Variants in VPS54 observed in about 807,000 individuals in gnomAD.
VPS54 encodes the protein VPS54 subunit of GARP complex, also known as vacuolar protein sorting-associated protein 54.
Under a neutral mutation model 121.5 loss-of-function variants are expected in VPS54, and 45 were observed. The ratio of observed to expected loss-of-function variants is 0.37; its 90% CI spans 0.29 to 0.47. The LOEUF is 0.47. Among genes scored for constraint, VPS54 ranks in the 20% least tolerant of loss-of-function variants. The pLI is 0.99. For synonymous variants in VPS54, 371 were observed against 385.8 expected (o/e 0.96, Z 0.45); for missense variants, 1,090 against 1,131.4 (o/e 0.96, Z 0.52).
intron 11 of VPS54, among the ~76,000 whole-genome samples, chr2:63,935,507 T>C (rs1359092564): frequency 2.0e-5 from 3 of 152,170 alleles, no homozygotes; most frequent in African/African-American, 7.2e-5. Context: ...TTTTTCCTTA[T>C]CTCTTCTGTC....
intron 1 of VPS54, among the ~76,000 whole-genome samples, chr2:63,988,761 G>T (rs748943529): frequency 1.3e-5 from 2 of 151,986 alleles, no homozygotes; most frequent in Non-Finnish European, 1.5e-5. Context: ...CAGACTGTTC[G>T]TAAAGCATGT....
At chr2:63,972,748 C>T (rs1031464774) in intron 3 of VPS54, among the ~76,000 whole-genome samples, 14 of 151,842 alleles carry the variant, frequency 9.2e-5, no homozygotes. Flanking sequence ...AGTAGTGGCG[C>T]ACACCTGAAA....
chr2:63,935,208 T>C (rs1005270212), intron 11 of VPS54, among the ~76,000 whole-genome samples: 1 of 152,206 alleles, frequency 6.6e-6, no homozygotes, highest in African/African-American at 2.4e-5. Flanking sequence ...TTTAGTTGTA[T>C]GAGCTAATAA....
At chr2:64,009,654 C>G (rs189331384) in intron 1 of VPS54, among the ~76,000 whole-genome samples, 3 of 152,012 alleles carry the variant, frequency 2.0e-5, no homozygotes, top group Non-Finnish European at 2.9e-5. Context: ...TTTTTCTTAC[C>G]AAAGGAGTAA....
chr2:63,977,677 C>G (rs1676607696), intron 3 of VPS54, among the ~76,000 whole-genome samples: 1 of 152,218 alleles, frequency 6.6e-6, no homozygotes, highest in African/African-American at 2.4e-5. Flanking sequence ...TTTGATCATT[C>G]CAACATCACA....
chr2:63,939,176 A>T (rs1035322261), intron 11 of VPS54, among the ~76,000 whole-genome samples: 2 of 152,180 alleles, frequency 1.3e-5, no homozygotes, highest in Admixed American at 1.3e-4. Flanking sequence ...GATTGAGATC[A>T]TCCTGGCCAA....
At chr2:63,983,525 C>G (rs1676895827) in intron 2 of VPS54, among the ~76,000 whole-genome samples, 2 of 148,744 alleles carry the variant, frequency 1.3e-5, no homozygotes, top group Admixed American at 1.4e-4. Flanking sequence ...TCACTGCATG[C>G]TCCACCTCCT....
At chr2:63,947,042 A>T (rs1378640436) in intron 9 of VPS54, among the ~76,000 whole-genome samples, 1 of 151,916 alleles carries the variant, frequency 6.6e-6, no homozygotes. Context: ...AGTAGATTTA[A>T]CATAATGTTA....
intron 20 of VPS54, among the ~76,000 whole-genome samples, chr2:63,901,078 C>T (rs1241188484): frequency 2.0e-5 from 3 of 152,088 alleles, no homozygotes; most frequent in Non-Finnish European, 2.9e-5. Context: ...GTTTTATACA[C>T]TATCTGATTA....
intron 15 of VPS54, among the ~76,000 whole-genome samples, chr2:63,919,459 C>T (rs745669035): frequency 1.3e-5 from 2 of 152,104 alleles, no homozygotes; most frequent in African/African-American, 4.8e-5. Flanking sequence ...CTAGCGCTTA[C>T]TCAATTCATG....
chr2:63,902,588 A>G (rs1328931590), intron 20 of VPS54, among the ~76,000 whole-genome samples: 1 of 152,212 alleles, frequency 6.6e-6, no homozygotes, highest in East Asian at 1.9e-4. Context: ...AAAAGAAAAC[A>G]ATATCCCACT....
intron 11 of VPS54, among the ~76,000 whole-genome samples, chr2:63,939,812 G>C (rs890297214): frequency 1.3e-5 from 2 of 151,484 alleles, no homozygotes; most frequent in Non-Finnish European, 2.9e-5. Context: ...CCAGGCTGGA[G>C]TACAGTAGCA....
Position 63,944,518 on chromosome 2 carries a change from G to A in VPS54, c.1301+82C>T, listed in dbSNP as rs150642139. 231 of 1,367,612 alleles carry A rather than the reference G, an allele frequency of 1.7e-4. No individual in the cohort carries two copies. The African/African-American group carries it at 2.6e-3, about 15-fold the overall frequency. 84.7% of individuals were successfully genotyped at this position (1,367,612 alleles called of 1,614,324 possible). Reference sequence around the variant, plus strand: ...ACACCTTAGTAAATAATTCCTTAACGAAATCTACTTCGAATTATTCTAATT... The same window carrying A: ...ACACCTTAGTAAATAATTCCTTAACAAAATCTACTTCGAATTATTCTAATT... On this transcript the variant is annotated intron_variant, in intron 10 of 22. Transcript: ENST00000272322.
intron 1 of VPS54, among the ~76,000 whole-genome samples, chr2:64,003,633 C>T (rs994712897): frequency 3.4e-5 from 5 of 149,222 alleles, no homozygotes; most frequent in African/African-American, 9.7e-5. Flanking sequence ...ACAGACAAAA[C>T]AGACAGACAG....
chr2:64,013,274 A>G (rs1316074165), intron 1 of VPS54, among the ~76,000 whole-genome samples: 1 of 152,204 alleles, frequency 6.6e-6, no homozygotes, highest in East Asian at 1.9e-4. Flanking sequence ...TCTGACTAGA[A>G]TCTAATCATG....
At chr2:64,000,404 G>C (rs748388460) in intron 1 of VPS54, among the ~76,000 whole-genome samples, 1 of 152,148 alleles carries the variant, frequency 6.6e-6, no homozygotes, top group African/African-American at 2.4e-5. Flanking sequence ...GCCTTATTTA[G>C]TTCATCTGGA....
At chr2:63,919,517 T>C (rs1026520998) in intron 15 of VPS54, among the ~76,000 whole-genome samples, 2 of 152,070 alleles carry the variant, frequency 1.3e-5, no homozygotes, top group East Asian at 3.8e-4. Context: ...TATGAAATTA[T>C]ATAAAGCTGG....
At position 63,985,788 on chromosome 2, in the gene VPS54, G is replaced by C. The variant is rs766897871; in HGVS notation, c.-20-1769C>G. Among the ~76,000 whole-genome samples the C allele has an allele frequency of 3.9e-5, 6 of 152,214 alleles. 1 individual carries two copies. Among genetic ancestry groups the C allele is most frequent in the African/African-American group, 1.4e-4 (6 of 41,518 alleles). ...TCAGAGGTTTGGTGGCAAAAGTTCT[G>C]TGATGAAAATGCTATTTTGGGAAAA... On this transcript the variant is annotated intron_variant, in intron 1 of 22. Coordinates refer to ENST00000272322, the MANE Select transcript of VPS54 (RefSeq NM_016516.3).
At position 63,893,349 on chromosome 2, in the gene VPS54, C is replaced by A; in HGVS notation, c.*81G>T. 1 of 1,251,776 alleles carries A rather than the reference C, an allele frequency of 8.0e-7. No homozygotes were observed. The highest frequency in any genetic ancestry group is 1.2e-6 in the Non-Finnish European group (1 of 849,984). 77.5% of individuals were successfully genotyped at this position (1,251,776 alleles called of 1,614,324 possible). On this transcript the variant is annotated 3_prime_UTR_variant, in exon 23 of 23. Transcript: ENST00000272322. ...TTCACTTTGGGTTTCAGGTTCAATT[C>A]TCGAATCACAGGCATCCAGATTTTC... is the stretch of plus-strand genomic sequence containing the variant.
Sources: gnomAD v4.1 joint callset for allele counts (sites outside exome capture counted in the v4.1 genomes callset) on GRCh38, gnomAD v4.1.1 for gene constraint, MANE v1.5 for transcripts, NCBI Gene and HGNC (gene_info 2026-07-23, HGNC 2026-07-21) for gene names.